DLG1: variants seen among roughly 807,000 people sequenced by gnomAD.
DLG1 encodes the protein disks large homolog 1.
DLG1 carries 42 observed loss-of-function variants against 123.4 expected under a neutral mutation model. That is an observed-to-expected ratio of 0.34 (90% CI 0.27 to 0.44). The LOEUF (loss-of-function observed/expected upper bound fraction) is 0.44. Ranked by LOEUF, DLG1 falls within the 20% of genes least tolerant of loss-of-function variation. The pLI is 1.00. For missense variants in DLG1, 942 were observed against 1,082.6 expected, an observed-to-expected ratio of 0.87 and a Z score of 1.82; for synonymous variants, 317 against 356.2, an observed-to-expected ratio of 0.89 and a Z score of 1.24.
At chr3:197,111,737 T>C (rs537262333) in intron 13 of DLG1, among the ~76,000 whole-genome samples, 2 of 152,310 alleles carry the variant, frequency 1.3e-5, no homozygotes, top group South Asian at 2.1e-4. Flanking sequence ...GCACCACAAG[T>C]TAGTGTCACC....
chr3:197,139,304 T>TTTACTTG (rs1786733352), intron 8 of DLG1, among the ~76,000 whole-genome samples: 1 of 152,194 alleles, frequency 6.6e-6, no homozygotes, highest in African/African-American at 2.4e-5. Context: ...AGTAAATGTC[T>TTTACTTG]ACATTTACAT....
At chr3:197,189,300 T>C (rs1256355939) in intron 5 of DLG1, among the ~76,000 whole-genome samples, 1 of 152,354 alleles carries the variant, frequency 6.6e-6, no homozygotes, top group African/African-American at 2.4e-5. Context: ...TATCAGGCAA[T>C]ATTATGTATC....
chr3:197,248,490 A>T (rs924317385), intron 4 of DLG1, among the ~76,000 whole-genome samples: 1 of 152,214 alleles, frequency 6.6e-6, no homozygotes, highest in Non-Finnish European at 1.5e-5. Flanking sequence ...AAGAGCTCAA[A>T]GTCACAAAGA....
chr3:197,051,663 A>G lies in DLG1; in HGVS notation c.2489T>C (p.Met830Thr). Residue 830 changes from methionine (M) to threonine (T), a missense_variant, in exon 24 of 25, where the codon ATG becomes ACG. Coordinates refer to ENST00000667157, the MANE Select transcript of DLG1 (RefSeq NM_001366207.1). ...KPKSMENIMEMNKRLTEEQAR... is the reference protein window; with the variant it reads ...KPKSMENIMETNKRLTEEQAR... ...TTGTTCTTCTGTTAGACGCTTATTC[A>G]TTTCCCTACGAAAATAAATGTAGAA... 1 of 1,611,008 alleles carries G rather than the reference A, an allele frequency of 6.2e-7. No individual in the cohort carries two copies. The highest frequency in any genetic ancestry group is 8.5e-7 in the Non-Finnish European group (1 of 1,177,858).
At chr3:197,083,184 T>G (rs1752231468) in intron 16 of DLG1, among the ~76,000 whole-genome samples, 1 of 152,210 alleles carries the variant, frequency 6.6e-6, no homozygotes, top group Non-Finnish European at 1.5e-5. Flanking sequence ...ACAGCAGTTA[T>G]AAGCCCGAAA....
rs1476753716 is a variant in DLG1, at chr3:197,088,766, A to T, written c.1661+2146T>A. 2.0e-5 allele frequency among the ~76,000 whole-genome samples: 3 copies of T among 152,252 alleles called. No individual in the cohort carries two copies. In the East Asian group the frequency reaches 5.8e-4, roughly 29 times the overall value. ...CTACAGTGGTTACTGGAAGATACAG[A>T]AAGATATTTAGTAGTAAGAATATGA... On this transcript the variant is annotated intron_variant, in intron 15 of 24. Transcript: ENST00000667157.
At chr3:197,161,688 G>C (rs777786690) in intron 5 of DLG1, 1 of 1,578,688 alleles carries the variant, frequency 6.3e-7, no homozygotes, top group South Asian at 1.2e-5. Context: ...GGACTGGCAG[G>C]ACAGGGATCA....
At chr3:197,063,620 T>A (rs899722507) in intron 22 of DLG1, among the ~76,000 whole-genome samples, 1 of 152,256 alleles carries the variant, frequency 6.6e-6, no homozygotes, top group South Asian at 2.1e-4. Context: ...ATCACTTTTA[T>A]CTGGGCATTT....
chr3:197,085,047 A>G (rs1209013748), intron 16 of DLG1, among the ~76,000 whole-genome samples: 1 of 151,256 alleles, frequency 6.6e-6, no homozygotes, highest in Non-Finnish European at 1.5e-5. Flanking sequence ...TCAGCCTCCC[A>G]AAAGTGCTGG....
intron 5 of DLG1, among the ~76,000 whole-genome samples, chr3:197,186,529 G>A (rs1349947144): frequency 6.6e-6 from 1 of 152,070 alleles, no homozygotes; most frequent in Non-Finnish European, 1.5e-5. Flanking sequence ...GAAAGCTTAA[G>A]TTAGTAAACT....
chr3:197,106,351 A>T (rs765965048), intron 13 of DLG1, among the ~76,000 whole-genome samples: 3 of 152,290 alleles, frequency 2.0e-5, no homozygotes, highest in South Asian at 2.1e-4. Flanking sequence ...AGTTACAGTG[A>T]GCTGAGATCA....
At chr3:197,083,388 T>G (rs1306173072) in intron 16 of DLG1, among the ~76,000 whole-genome samples, 1 of 152,188 alleles carries the variant, frequency 6.6e-6, no homozygotes. Flanking sequence ...ATGATCTCAT[T>G]AACTATTTTT....
intron 17 of DLG1, among the ~76,000 whole-genome samples, chr3:197,077,277 A>G (rs1266773988): frequency 6.6e-6 from 1 of 151,830 alleles, no homozygotes; most frequent in Non-Finnish European, 1.5e-5. Context: ...TTGGAAGAGG[A>G]TAAAAGGTAA....
chr3:197,287,085 G>C (rs978751861), intron 3 of DLG1, among the ~76,000 whole-genome samples: 2 of 151,082 alleles, frequency 1.3e-5, no homozygotes, highest in African/African-American at 4.9e-5. Flanking sequence ...TGCCCAGGCT[G>C]GTCTCAAACT....
In DLG1 at chr3:197,267,509, A is replaced by G. The variant is rs1762190296; in HGVS notation, c.318+15170T>C. ...GGGGGAGAAAGCACTTCTTAGTAGG[A>G]CCCTATAGCATTCCTTCTCTTCTTA... On this transcript the variant is annotated intron_variant, in intron 4 of 24. Transcript: ENST00000667157. 1.3e-5 allele frequency among the ~76,000 whole-genome samples: 2 copies of G among 152,102 alleles called. 1 individual carries two copies. Among genetic ancestry groups the G allele is most frequent in the South Asian group, 4.1e-4 (2 of 4,820 alleles).
chr3:197,297,967 C>T (rs1778336286), intron 1 of DLG1: 5 of 976,984 alleles, frequency 5.1e-6, no homozygotes, highest in Non-Finnish European at 4.9e-6. Flanking sequence ...GCCGCCGCAC[C>T]CCCGCGGCCT....
chr3:197,263,255 A>T (rs773120405), intron 4 of DLG1, among the ~76,000 whole-genome samples: 5 of 152,120 alleles, frequency 3.3e-5, no homozygotes, highest in Non-Finnish European at 7.4e-5. Context: ...GGCATCCCTA[A>T]GTTTGGCAGA....
chr3:197,265,341 C>T (rs2150993820), intron 4 of DLG1, among the ~76,000 whole-genome samples: 1 of 152,220 alleles, frequency 6.6e-6, no homozygotes, highest in South Asian at 2.1e-4. Context: ...AAAAAAAAGA[C>T]TGACTTTCAG....
At chr3:197,179,327 T>G (rs1463330710) in intron 5 of DLG1, among the ~76,000 whole-genome samples, 1 of 152,104 alleles carries the variant, frequency 6.6e-6, no homozygotes, top group African/African-American at 2.4e-5. Flanking sequence ...TTTTCACCAA[T>G]TTGTAGAAGG....
Sources: allele counts gnomAD v4.1 joint callset (sites outside exome capture counted in the v4.1 genomes callset), GRCh38; gene constraint gnomAD v4.1.1; transcripts MANE v1.5; gene names NCBI Gene and HGNC (gene_info 2026-07-23, HGNC 2026-07-21).